N4BP2: variants seen among roughly 807,000 people sequenced by gnomAD.
N4BP2 encodes NEDD4 binding protein 2.
In N4BP2, 91 loss-of-function variants were observed where a neutral mutation model predicts 152.8. The observed-to-expected ratio is 0.60, with a 90% CI of 0.50 to 0.71. The LOEUF (loss-of-function observed/expected upper bound fraction) is 0.71, where lower values mean the gene tolerates loss of function less well. Ranked by LOEUF, N4BP2 falls within the 30% of genes least tolerant of loss-of-function variation. N4BP2 has a pLI of 0.00. For synonymous variants in N4BP2, 646 were observed against 705.3 expected, an observed-to-expected ratio of 0.92 and a Z score of 1.33; for missense variants, 1,923 against 2,059.1, an observed-to-expected ratio of 0.93 and a Z score of 1.28.
chr4:40,123,178 A>G lies in N4BP2; in HGVS notation c.4250A>G (p.Lys1417Arg). The G allele has an allele frequency of 6.2e-7, 1 of 1,613,034 alleles. No homozygotes were observed. The highest frequency in any genetic ancestry group is 1.7e-5 in the Admixed American group (1 of 59,988). The change falls in exon 10 of 18, where the codon AAA becomes AGA. Residue 1417 changes from lysine to arginine, a missense_variant. Transcript: ENST00000261435. Reference sequence around the variant, plus strand: ...GTTCATATAGATCTGAATCTGGCGAAAGTGATTCATGAGAAATGGAAAGAA... The same window carrying G: ...GTTCATATAGATCTGAATCTGGCGAGAGTGATTCATGAGAAATGGAAAGAA... Reference protein sequence around the residue: ...CVVHIDLNLAKVIHEKWKESV... With the variant: ...CVVHIDLNLARVIHEKWKESV...
intron 15 of N4BP2, among the ~76,000 whole-genome samples, chr4:40,143,889 G>T (rs1301275327): frequency 1.3e-5 from 2 of 152,126 alleles, no homozygotes; most frequent in African/African-American, 4.8e-5. Flanking sequence ...TTATTAGGGG[G>T]AATTGGCTCT....
At chr4:40,095,022 C>G (rs1579009336) in intron 2 of N4BP2, among the ~76,000 whole-genome samples, 1 of 151,942 alleles carries the variant, frequency 6.6e-6, no homozygotes, top group Non-Finnish European at 1.5e-5. Flanking sequence ...AAGTGATCCT[C>G]CTGCCCATTG....
downstream of N4BP2, among the ~76,000 whole-genome samples, chr4:40,160,235 C>G (rs1721822478): frequency 6.6e-6 from 1 of 152,160 alleles, no homozygotes; most frequent in African/African-American, 2.4e-5. Context: ...GTACATTAGT[C>G]AAAACATGTT....
chr4:40,119,629 T>G (rs1475954361), intron 8 of N4BP2, among the ~76,000 whole-genome samples: 2 of 152,108 alleles, frequency 1.3e-5, no homozygotes, highest in African/African-American at 4.8e-5. Context: ...ATTCAGAGCT[T>G]TAACTTTAAT....
In N4BP2 at chr4:40,120,105, T is replaced by G; in HGVS notation, c.1994T>G (p.Ile665Arg). 1.2e-6 allele frequency: 2 copies of G among 1,611,826 alleles called. No individual in the cohort carries two copies. The highest frequency in any genetic ancestry group is 1.7e-6 in the Non-Finnish European group (2 of 1,179,278). ...NADLNKRRKE[I>R]SDMNPSIQSA... ...GATTTAAACAAAAGAAGAAAAGAAA[T>G]AAGTGATATGAATCCTAGCATTCAA... The change falls in exon 9 of 18, where the codon ATA becomes AGA. Residue 665 changes from isoleucine (I) to arginine (R), a missense_variant. By Grantham distance (97) the Ile-to-Arg change is moderately conservative. Transcript: ENST00000261435.
intron 7 of N4BP2, among the ~76,000 whole-genome samples, chr4:40,116,769 G>C (rs1717379051): frequency 6.6e-6 from 1 of 151,974 alleles, no homozygotes; most frequent in African/African-American, 2.4e-5. Flanking sequence ...GGTCTGCTTG[G>C]TGTCAAATTC....
chr4:40,135,683 C>T (rs1221676996), intron 13 of N4BP2, among the ~76,000 whole-genome samples: 1 of 152,228 alleles, frequency 6.6e-6, no homozygotes, highest in Non-Finnish European at 1.5e-5. Flanking sequence ...CTGTCTCAGC[C>T]TCCCAAGTAG....
intron 1 of N4BP2, among the ~76,000 whole-genome samples, chr4:40,061,750 C>T (rs892471653): frequency 4.7e-5 from 7 of 150,244 alleles, no homozygotes; most frequent in Admixed American, 2.7e-4. Context: ...CTGCAACCTC[C>T]GCCTACCACA....
At chr4:40,082,430 A>C (rs996033175) in intron 2 of N4BP2, among the ~76,000 whole-genome samples, 1 of 152,178 alleles carries the variant, frequency 6.6e-6, no homozygotes, top group Non-Finnish European at 1.5e-5. Flanking sequence ...CAAATAGGCA[A>C]AAGAATCCAA....
At chr4:40,078,436 CCA>C (rs1281428283) in intron 2 of N4BP2, among the ~76,000 whole-genome samples, 1 of 152,030 alleles carries the variant, frequency 6.6e-6, no homozygotes, top group Non-Finnish European at 1.5e-5. Context: ...CGTGTCTAGC[CCA>C]ATATTCCTAA....
chr4:40,171,684 G>A, the N4BP2 span, among the ~76,000 whole-genome samples: 1 of 152,216 alleles, frequency 6.6e-6, no homozygotes, highest in Non-Finnish European at 1.5e-5. Flanking sequence ...AAGGAGTATT[G>A]ACTCATATGA....
chr4:40,137,552 G>A (rs1399283649), intron 14 of N4BP2, among the ~76,000 whole-genome samples: 1 of 152,166 alleles, frequency 6.6e-6, no homozygotes, highest in African/African-American at 2.4e-5. Flanking sequence ...AACCATTGTA[G>A]TGAGTGGGAA....
the N4BP2 span, among the ~76,000 whole-genome samples, chr4:40,190,209 T>C: frequency 1.3e-5 from 2 of 152,346 alleles, no homozygotes; most frequent in South Asian, 4.1e-4. Flanking sequence ...GTTCTTGTTG[T>C]TCGCTGCTGT....
Position 40,103,141 on chromosome 4 carries a change from A to G in N4BP2, c.1296A>G (p.Arg432=), listed in dbSNP as rs1715871722. 1 of 1,614,118 alleles carries G rather than the reference A, an allele frequency of 6.2e-7. No individual in the cohort carries two copies. The highest frequency in any genetic ancestry group is 1.3e-5 in the African/African-American group (1 of 74,950). Residue 432 remains arginine (R), a synonymous_variant, in exon 4 of 18, where the codon AGA becomes AGG. Coordinates refer to ENST00000261435, the MANE Select transcript of N4BP2 (RefSeq NM_018177.6). ...VQETPVSQVV[R]KKTSYVGLVL... Reference sequence around the variant, plus strand: ...AAACCCCAGTTTCTCAGGTTGTAAGAAAGAAGACATCTTACGTTGGACTAG... The same window carrying G: ...AAACCCCAGTTTCTCAGGTTGTAAGGAAGAAGACATCTTACGTTGGACTAG...
At chr4:40,065,630 A>G (rs948589474) in intron 1 of N4BP2, among the ~76,000 whole-genome samples, 2 of 152,194 alleles carry the variant, frequency 1.3e-5, no homozygotes, top group Admixed American at 6.5e-5. Flanking sequence ...AATATAAACT[A>G]CTTTCATTTT....
At position 40,097,337 on chromosome 4, in the gene N4BP2, C is replaced by G; in HGVS notation, c.-4C>G. 6.2e-7 allele frequency: 1 copy of G among 1,610,424 alleles called. No homozygotes were observed. The highest frequency in any genetic ancestry group is 1.1e-5 in the South Asian group (1 of 90,648). On this transcript the variant is annotated 5_prime_UTR_variant, in exon 3 of 18. Coordinates refer to ENST00000261435, the MANE Select transcript of N4BP2 (RefSeq NM_018177.6). ...AGGGAAACATTTTAGTTTTGGAAGT[C>G]AGAATGCCAAGGAGAAGGAAAAATC...
intron 1 of N4BP2, among the ~76,000 whole-genome samples, chr4:40,066,320 CTTTT>C (rs11384930): frequency 7.7e-6 from 1 of 129,060 alleles, no homozygotes; most frequent in Non-Finnish European, 1.6e-5. Flanking sequence ...GTGATTTTCC[CTTTT>C]TTTTTTTTTT....
intron 1 of N4BP2, among the ~76,000 whole-genome samples, chr4:40,067,982 T>C (rs951808404): frequency 4.6e-5 from 7 of 152,146 alleles, no homozygotes; most frequent in African/African-American, 1.7e-4. Context: ...ACCTGGCCTG[T>C]TTTTTAACTC....
At chr4:40,179,544 A>G in the N4BP2 span, among the ~76,000 whole-genome samples, 10 of 152,144 alleles carry the variant, frequency 6.6e-5, no homozygotes, top group Non-Finnish European at 1.0e-4. Context: ...TGTAGAGGCT[A>G]TTATTATCCC....
Sources: allele counts gnomAD v4.1 joint callset (sites outside exome capture counted in the v4.1 genomes callset), GRCh38; gene constraint gnomAD v4.1.1; transcripts MANE v1.5; gene names NCBI Gene and HGNC (gene_info 2026-07-23, HGNC 2026-07-21).